The following RHEX variants were observed in gnomAD, a reference collection of about 807,000 sequenced individuals.
The protein encoded by RHEX is regulator of hemoglobinization and erythroid cell expansion.
In RHEX, 18 loss-of-function variants were observed where a neutral mutation model predicts 20.1. That is an observed-to-expected ratio of 0.90 (90% CI 0.62 to 1.33). The LOEUF is 1.33. Ranked by LOEUF, RHEX falls within the 40% of genes most tolerant of loss-of-function variation. The probability of loss-of-function intolerance (pLI) is 0.00; values close to 1 mark genes in which losing one functional copy is unlikely to be tolerated. For missense variants in RHEX, 192 were observed against 214.3 expected (o/e 0.90, Z 0.65); for synonymous variants, 87 against 77.1 (o/e 1.13, Z -0.67).
At chr1:206,065,838 A>G (rs1489187408) in intron 1 of RHEX, among the ~76,000 whole-genome samples, 1 of 152,104 alleles carries the variant, frequency 6.6e-6, no homozygotes, top group Non-Finnish European at 1.5e-5. Flanking sequence ...GGGTGGGGAG[A>G]GTGGGACATT....
rs368786351 is a variant in RHEX, at chr1:206,067,609, CCAGA to C, written c.-97+14348_-97+14351del. Among the ~76,000 whole-genome samples, 37 of 152,122 alleles carry C rather than the reference CCAGA, an allele frequency of 2.4e-4. No homozygotes were observed. Among genetic ancestry groups the C allele is most frequent in the African/African-American group, 8.9e-4 (37 of 41,414 alleles). ...CCAGGTGGGGAGAGCAATTTTTCTG[CCAGA>C]CAGCTCATCACTGACAACCCACTGG... On this transcript the variant is annotated intron_variant, in intron 1 of 5. Coordinates refer to ENST00000331555, the MANE Select transcript of RHEX (RefSeq NM_001007544.4). The surrounding 1 kb of genome is among the most constrained non-coding windows in gnomAD (Gnocchi z 4.6).
At chr1:206,088,615 G>A (rs1470984935) in intron 1 of RHEX, among the ~76,000 whole-genome samples, 3 of 152,128 alleles carry the variant, frequency 2.0e-5, no homozygotes, top group Non-Finnish European at 2.9e-5. Context: ...CCTGGGAGGC[G>A]GAGGTTGCAG....
At chr1:206,099,919 C>T in intron 4 of RHEX, 121 bp downstream of exon 4, 1 of 839,168 alleles carries the variant, frequency 1.2e-6, no homozygotes, top group Non-Finnish European at 1.9e-6. Context: ...TCCTCACAGC[C>T]ACATCAGGAC....
chr1:206,063,207 T>C (rs376987252), intron 1 of RHEX, among the ~76,000 whole-genome samples: 37 of 151,946 alleles, frequency 2.4e-4, no homozygotes, highest in African/African-American at 9.0e-4. Context: ...GTACCTGACA[T>C]GGTCAAAGAA....
At chr1:206,053,546 A>G (rs561438214) in intron 1 of RHEX, among the ~76,000 whole-genome samples, 2 of 152,248 alleles carry the variant, frequency 1.3e-5, no homozygotes. Flanking sequence ...TTTGTCTCGA[A>G]GAAGCATGGG....
At chr1:206,100,147 C>G (rs1023823017) in intron 4 of RHEX, among the ~76,000 whole-genome samples, 3 of 152,220 alleles carry the variant, frequency 2.0e-5, no homozygotes, top group Admixed American at 6.5e-5. Flanking sequence ...TCACCTGCCT[C>G]TGCCTGCCTC....
chr1:206,101,272 A>G, intron 5 of RHEX, 75 bp downstream of exon 5: 1 of 1,181,000 alleles, frequency 8.5e-7, no homozygotes, highest in East Asian at 2.4e-5. Context: ...CTGAAAACTC[A>G]AGTTACCCCA....
intron 1 of RHEX, among the ~76,000 whole-genome samples, chr1:206,095,889 G>A (rs1185111456): frequency 1.3e-5 from 2 of 151,880 alleles, no homozygotes; most frequent in African/African-American, 2.4e-5. Context: ...GGAGTGCAGT[G>A]GCATGATCAT....
chr1:206,059,229 T>C (rs1266174041), intron 1 of RHEX, among the ~76,000 whole-genome samples: 1 of 152,042 alleles, frequency 6.6e-6, no homozygotes, highest in Admixed American at 6.6e-5. Flanking sequence ...TGGAAAGGTG[T>C]GGTTTCCAAG....
chr1:206,054,563 A>T (rs1025023310), intron 1 of RHEX, among the ~76,000 whole-genome samples: 1 of 152,262 alleles, frequency 6.6e-6, no homozygotes, highest in Middle Eastern at 3.2e-3. Context: ...AAAGTTAAAA[A>T]GGTATCATCC....
At chr1:206,088,546 G>A (rs567634590) in intron 1 of RHEX, among the ~76,000 whole-genome samples, 3 of 152,188 alleles carry the variant, frequency 2.0e-5, no homozygotes, top group African/African-American at 4.8e-5. Context: ...AGCCAGGCAC[G>A]GTGCTGCACA....
At chr1:206,058,057 A>G (rs1392448007) in intron 1 of RHEX, among the ~76,000 whole-genome samples, 1 of 152,406 alleles carries the variant, frequency 6.6e-6, no homozygotes, top group Non-Finnish European at 1.5e-5. Context: ...TTGTCTACAC[A>G]TAGATGATCA....
At chr1:206,062,743 C>T (rs954570614) in intron 1 of RHEX, among the ~76,000 whole-genome samples, 9 of 152,084 alleles carry the variant, frequency 5.9e-5, no homozygotes, top group East Asian at 3.9e-4. Flanking sequence ...GAGTGCCAAG[C>T]GGGAAGTGGG....
chr1:206,081,257 CAT>C (rs1336468492), intron 1 of RHEX, among the ~76,000 whole-genome samples: 6 of 152,214 alleles, frequency 3.9e-5, no homozygotes, highest in Non-Finnish European at 8.8e-5. Context: ...ATGCCACAAA[CAT>C]GTATCGAGTA....
chr1:206,078,145 T>A (rs949840856), intron 1 of RHEX, among the ~76,000 whole-genome samples: 1 of 152,238 alleles, frequency 6.6e-6, no homozygotes, highest in Non-Finnish European at 1.5e-5. Flanking sequence ...TATCTCATTA[T>A]GTATATGAAA....
chr1:206,066,325 T>A (rs2102310161), intron 1 of RHEX, among the ~76,000 whole-genome samples: 1 of 152,328 alleles, frequency 6.6e-6, no homozygotes, highest in African/African-American at 2.4e-5. Flanking sequence ...TTATAAAGGG[T>A]TACAACCTGG....
At chr1:206,078,208 TA>T (rs1553285461) in intron 1 of RHEX, among the ~76,000 whole-genome samples, 3 of 152,128 alleles carry the variant, frequency 2.0e-5, no homozygotes, top group African/African-American at 7.2e-5. Flanking sequence ...TTTCTGGTCA[TA>T]AGCATCTTGG....
intron 1 of RHEX, among the ~76,000 whole-genome samples, chr1:206,090,941 C>T (rs2102325246): frequency 6.6e-6 from 1 of 152,226 alleles, no homozygotes; most frequent in African/African-American, 2.4e-5. Flanking sequence ...TTTTGCAATG[C>T]ATTCTTTTGG....
At chr1:206,066,557 C>T (rs1662426886) in intron 1 of RHEX, among the ~76,000 whole-genome samples, 1 of 152,194 alleles carries the variant, frequency 6.6e-6, no homozygotes, top group Non-Finnish European at 1.5e-5. Flanking sequence ...GTCAAGTTTG[C>T]AGTGAGCTGA....
Sources: gnomAD v4.1 joint callset for allele counts (sites outside exome capture counted in the v4.1 genomes callset) on GRCh38, gnomAD v4.1.1 for gene constraint, Gnocchi (gnomAD v3.1) non-coding constraint, MANE v1.5 for transcripts, NCBI Gene and HGNC (gene_info 2026-07-23, HGNC 2026-07-21) for gene names.